MBD5: variants seen among roughly 807,000 people sequenced by gnomAD.
MBD5 encodes the protein methyl-CpG-binding domain protein 5.
Under a neutral mutation model 117.3 loss-of-function variants are expected in MBD5, and 13 were observed. The ratio of observed to expected loss-of-function variants is 0.11; its 90% CI spans 0.07 to 0.18. The LOEUF (loss-of-function observed/expected upper bound fraction) is 0.18, where lower values mean the gene tolerates loss of function less well. MBD5 is among the 10% of genes least tolerant of loss of function. The probability of loss-of-function intolerance (pLI) is 1.00; values close to 1 mark genes in which losing one functional copy is unlikely to be tolerated. For synonymous variants in MBD5, 727 were observed against 766.4 expected (o/e 0.95, Z 0.85); for missense variants, 1,879 against 2,093.8 (o/e 0.90, Z 2.00).
At chr2:148,374,240 T>TACACACACACACACACAC (rs57110874) in intron 4 of MBD5, among the ~76,000 whole-genome samples, 1 of 141,868 alleles carries the variant, frequency 7.0e-6, no homozygotes, top group African/African-American at 2.6e-5. Flanking sequence ...TGTTTATGCA[T>TACACACACACACACACAC]ACACACACAC....
At chr2:148,416,815 G>T (rs11900523) in intron 4 of MBD5, among the ~76,000 whole-genome samples, 7 of 151,806 alleles carry the variant, frequency 4.6e-5, no homozygotes, top group Non-Finnish European at 1.0e-4. Flanking sequence ...ATACCACACT[G>T]TATGCCTTTG....
At chr2:148,353,151 A>G (rs1333280406) in intron 4 of MBD5, among the ~76,000 whole-genome samples, 1 of 152,154 alleles carries the variant, frequency 6.6e-6, no homozygotes, top group Non-Finnish European at 1.5e-5. Context: ...TGTGTACATT[A>G]AAGGTTCTGC....
intron 4 of MBD5, among the ~76,000 whole-genome samples, chr2:148,445,706 C>T (rs556928190): frequency 1.7e-4 from 25 of 151,436 alleles, no homozygotes; most frequent in African/African-American, 2.9e-4. Flanking sequence ...CTTGAGGAAT[C>T]GCCACACCGA....
chr2:148,338,075 G>T (rs571583343), intron 3 of MBD5, among the ~76,000 whole-genome samples: 1 of 152,028 alleles, frequency 6.6e-6, no homozygotes, highest in Non-Finnish European at 1.5e-5. Flanking sequence ...AATTTTTCAG[G>T]TTCTGTTACT....
intron 4 of MBD5, among the ~76,000 whole-genome samples, chr2:148,345,835 A>G (rs111268486): frequency 0.027 from 4,054 of 151,886 alleles, 162 homozygotes; most frequent in African/African-American, 0.092. Context: ...TTGGAGTCCA[A>G]TGTTCGAGGG....
chr2:148,387,461 A>G (rs1704409527), intron 4 of MBD5, among the ~76,000 whole-genome samples: 1 of 152,190 alleles, frequency 6.6e-6, no homozygotes, highest in African/African-American at 2.4e-5. Context: ...CCAATGAAGT[A>G]CTAGAAGCAT....
chr2:148,462,267 T>C (rs1054763020), intron 5 of MBD5, among the ~76,000 whole-genome samples: 2 of 152,202 alleles, frequency 1.3e-5, no homozygotes, highest in Non-Finnish European at 2.9e-5. Context: ...TGTTCTTTGT[T>C]CCTTTCTTGC....
intron 3 of MBD5, among the ~76,000 whole-genome samples, chr2:148,246,695 C>T (rs1275811678): frequency 7.2e-6 from 1 of 138,094 alleles, no homozygotes; most frequent in East Asian, 2.1e-4. Context: ...ACCCAGGGAG[C>T]ACAGGTTGCA....
intron 4 of MBD5, among the ~76,000 whole-genome samples, chr2:148,446,808 G>C (rs1014498247): frequency 1.3e-5 from 2 of 152,012 alleles, no homozygotes; most frequent in African/African-American, 4.8e-5. Flanking sequence ...TTGTCACACA[G>C]AATATGGTAA....
At chr2:148,445,179 C>A (rs1028589153) in intron 4 of MBD5, among the ~76,000 whole-genome samples, 19 of 151,176 alleles carry the variant, frequency 1.3e-4, no homozygotes, top group Non-Finnish European at 2.8e-4. Context: ...GATACATGTG[C>A]ACAACGTGCA....
intron 4 of MBD5, among the ~76,000 whole-genome samples, chr2:148,417,288 C>CTTTTTTTTTTT (rs745409695): frequency 2.1e-3 from 194 of 91,810 alleles, no homozygotes; most frequent in African/African-American, 4.9e-3. Context: ...ATGCACAGCT[C>CTTTTTTTTTTT]TTTTTTTTTT....
chr2:148,069,864 A>G (rs796344919), intron 1 of MBD5, among the ~76,000 whole-genome samples: 1 of 152,158 alleles, frequency 6.6e-6, no homozygotes, highest in African/African-American at 2.4e-5. Flanking sequence ...ATTTTTTTAC[A>G]TACATAGACA....
At chr2:148,297,412 G>A (rs1183604913) in intron 3 of MBD5, among the ~76,000 whole-genome samples, 1 of 152,138 alleles carries the variant, frequency 6.6e-6, no homozygotes, top group African/African-American at 2.4e-5. Flanking sequence ...CTCCTGGGAT[G>A]ACAGTAGCTA....
intron 3 of MBD5, among the ~76,000 whole-genome samples, chr2:148,328,736 CT>C (rs1702547108): frequency 6.6e-6 from 1 of 152,222 alleles, no homozygotes; most frequent in Non-Finnish European, 1.5e-5. Flanking sequence ...CCTGCGCCCA[CT>C]GTCTGGCACT....
At chr2:148,174,043 C>T (rs2105814814) in intron 1 of MBD5, among the ~76,000 whole-genome samples, 3 of 152,164 alleles carry the variant, frequency 2.0e-5, no homozygotes, top group Middle Eastern at 6.8e-3. Context: ...TCAAATTGTA[C>T]TACAAACCTA....
intron 4 of MBD5, among the ~76,000 whole-genome samples, chr2:148,417,612 C>A (rs1705463235): frequency 6.6e-6 from 1 of 152,120 alleles, no homozygotes; most frequent in African/African-American, 2.4e-5. Flanking sequence ...AAATCTACAC[C>A]AACATCTATT....
chr2:148,131,253 A>G (rs933985618), intron 1 of MBD5, among the ~76,000 whole-genome samples: 2 of 152,136 alleles, frequency 1.3e-5, no homozygotes, highest in Non-Finnish European at 2.9e-5. Flanking sequence ...AGTTCAGGGA[A>G]TATCTCTTGG....
chr2:148,354,272 C>T (rs1703317385), intron 4 of MBD5, among the ~76,000 whole-genome samples: 2 of 151,936 alleles, frequency 1.3e-5, no homozygotes, highest in African/African-American at 4.8e-5. Flanking sequence ...TGCCCTCCAC[C>T]CCCCACCAAC....
At chr2:148,169,786 T>C (rs954083064) in intron 1 of MBD5, among the ~76,000 whole-genome samples, 2 of 152,196 alleles carry the variant, frequency 1.3e-5, no homozygotes, top group Non-Finnish European at 2.9e-5. Flanking sequence ...CCATATTGTC[T>C]GGGCAAGTTG....
Sources: allele counts gnomAD v4.1 joint callset (sites outside exome capture counted in the v4.1 genomes callset), GRCh38; gene constraint gnomAD v4.1.1; transcripts MANE v1.5; gene names NCBI Gene and HGNC (gene_info 2026-07-23, HGNC 2026-07-21).